Variants in H3-3A observed in about 807,000 individuals in gnomAD.
H3-3A encodes the protein histone H3.3.
For missense variants in H3-3A, 7 were observed against 184.0 expected, an observed-to-expected ratio of 0.04 and a Z score of 5.57; for synonymous variants, 49 against 61.4, an observed-to-expected ratio of 0.80 and a Z score of 0.95.
chr1:226,065,048 C>T (rs183001360), intron 2 of H3-3A, among the ~76,000 whole-genome samples: 1 of 152,286 alleles, frequency 6.6e-6, no homozygotes, highest in African/African-American at 2.4e-5. Flanking sequence ...AAAATAAAAG[C>T]TCATACAGTG....
chr1:226,071,566 G>A lies in H3-3A; in HGVS notation c.*87G>A. ...CTGTTATTGGTAGTTCTGAACGTTA[G>A]ATATTTTTTTTCCATGGGGTCAAAA... On this transcript the variant is annotated 3_prime_UTR_variant, in exon 4 of 4. Transcript: ENST00000366815. The A allele has an allele frequency of 1.7e-6, 1 of 591,846 alleles. No individual in the cohort carries two copies. Among genetic ancestry groups the A allele is most frequent in the South Asian group, 2.3e-5 (1 of 44,132 alleles). 36.7% of individuals were successfully genotyped at this position (591,846 alleles called of 1,614,324 possible).
At chr1:226,063,171 C>A (rs953166104) in intron 1 of H3-3A, among the ~76,000 whole-genome samples, 1 of 151,992 alleles carries the variant, frequency 6.6e-6, no homozygotes, top group African/African-American at 2.4e-5. Context: ...GCCCCCGGGC[C>A]CCAGCCCCCA....
intron 3 of H3-3A, 85 bp downstream of exon 3, chr1:226,065,894 A>C (rs1388894025): frequency 1.2e-5 from 12 of 990,304 alleles, no homozygotes; most frequent in Non-Finnish European, 1.9e-5. Flanking sequence ...TGCTTATATC[A>C]TTTAATCACA....
Position 226,064,485 on chromosome 1 carries a change from A to T in H3-3A, c.128+6A>T. The T allele has an allele frequency of 1.2e-6, 2 of 1,606,890 alleles. No individual in the cohort carries two copies. Among genetic ancestry groups the T allele is most frequent in the South Asian group, 1.1e-5 (1 of 90,652 alleles). ...AAGAAACCTCATCGTTACAGGTATT[A>T]AAAAACAGGAAAAAAATGGGACAAA... On this transcript the variant is annotated splice_donor_region_variant and intron_variant, in intron 2 of 3. Transcript: ENST00000366815.
chr1:226,069,234 A>G (rs1351982840), intron 3 of H3-3A, among the ~76,000 whole-genome samples: 1 of 152,068 alleles, frequency 6.6e-6, no homozygotes, highest in African/African-American at 2.4e-5. Context: ...TTTAGTAGAG[A>G]CAAGGTTTCT....
At chr1:226,069,339 G>A (rs943087604) in intron 3 of H3-3A, among the ~76,000 whole-genome samples, 6 of 151,954 alleles carry the variant, frequency 3.9e-5, no homozygotes, top group South Asian at 2.1e-4. Flanking sequence ...GAGCCACCAC[G>A]GCACCTGGTC....
rs1416078809 is a variant in H3-3A, at chr1:226,072,018, T to C, written c.*539T>C. The C allele has an allele frequency of 1.9e-5, 4 of 211,380 alleles. No individual in the cohort carries two copies. Among genetic ancestry groups the C allele is most frequent in the Non-Finnish European group, 3.8e-5 (4 of 104,094 alleles). The allele number at this position is 211,380 out of a possible 1,614,324, so 13.1% of individuals were successfully genotyped here. ...TTAAACTATACCTGCTTTTGGTCTT[T>C]ATTATAGCCTTGCCCTACAATTATA... On this transcript the variant is annotated 3_prime_UTR_variant, in exon 4 of 4. Transcript: ENST00000366815.
chr1:226,067,447 A>G (rs752010167), intron 3 of H3-3A, among the ~76,000 whole-genome samples: 1 of 152,188 alleles, frequency 6.6e-6, no homozygotes, highest in East Asian at 1.9e-4. Context: ...TCTTAAAAAT[A>G]CAGAGAGTGG....
chr1:226,071,089 A>T (rs1411790108), intron 3 of H3-3A, among the ~76,000 whole-genome samples: 1 of 152,198 alleles, frequency 6.6e-6, no homozygotes, highest in Non-Finnish European at 1.5e-5. Context: ...CATTAGAAAA[A>T]TTGAAGTTTC....
Position 226,065,957 on chromosome 1 carries a change from T to A in H3-3A, c.282+148T>A, listed in dbSNP as rs547916733. On this transcript the variant is annotated intron_variant, in intron 3 of 3. Coordinates refer to ENST00000366815, the MANE Select transcript of H3-3A (RefSeq NM_002107.7). Reference sequence around the variant, plus strand: ...TTCACTGTTGAGACTTCAGAAAGGTTAAATTGCTCAAGGTCATACACGTAG... The same window carrying A: ...TTCACTGTTGAGACTTCAGAAAGGTAAAATTGCTCAAGGTCATACACGTAG... 149 of 717,710 alleles carry A rather than the reference T, an allele frequency of 2.1e-4. 2 individuals carry two copies. In the South Asian group the frequency reaches 2.3e-3, roughly 11 times the overall value. 44.5% of individuals were successfully genotyped at this position (717,710 alleles called of 1,614,324 possible). A position where few individuals can be genotyped will look rare whatever the true frequency, so the allele number is the denominator to read the frequency against.
At chr1:226,063,315 TCC>T (rs1186265894) in intron 1 of H3-3A, among the ~76,000 whole-genome samples, 3 of 152,094 alleles carry the variant, frequency 2.0e-5, no homozygotes, top group African/African-American at 7.2e-5. Context: ...CCATATTTTT[TCC>T]CCCGTTTCTC....
upstream of H3-3A, among the ~76,000 whole-genome samples, chr1:226,062,523 G>C (rs1302841611): frequency 2.0e-5 from 3 of 150,262 alleles, no homozygotes; most frequent in South Asian, 2.1e-4. Flanking sequence ...CGGCCTGGAG[G>C]AGGGAGCGGG....
In H3-3A at chr1:226,064,272, A is replaced by T. The variant is rs567867002; in HGVS notation, c.-23-57A>T. 1,528 of 1,278,924 alleles carry T rather than the reference A, an allele frequency of 1.2e-3. 4 individuals carry two copies. Among genetic ancestry groups the T allele is most frequent in the Non-Finnish European group, 1.6e-3 (1,412 of 894,186 alleles). The allele number at this position is 1,278,924 out of a possible 1,614,324, so 79.2% of individuals were successfully genotyped here. On this transcript the variant is annotated intron_variant, in intron 1 of 3. Coordinates refer to ENST00000366815, the MANE Select transcript of H3-3A (RefSeq NM_002107.7). ...TTGGGGAGGGGGTGATCGTGGCAGG[A>T]AAAGTTGTATGTTTGGTAGTTGCAT...
At chr1:226,064,182 C>T in intron 1 of H3-3A, 147 bp from the exon 2 acceptor site, 2 of 590,986 alleles carry the variant, frequency 3.4e-6, no homozygotes, top group South Asian at 4.6e-5. Flanking sequence ...TAGACGTAAT[C>T]TTCACCCTTT....
chr1:226,064,174 G>C, intron 1 of H3-3A, 155 bp from the exon 2 acceptor site: 1 of 558,216 alleles, frequency 1.8e-6, no homozygotes, highest in Non-Finnish European at 3.2e-6. Flanking sequence ...ATTTTGGGTA[G>C]ACGTAATCTT....
At chr1:226,071,282 A>AT in intron 3 of H3-3A, 69 bp from the exon 4 acceptor site, 2 of 1,282,430 alleles carry the variant, frequency 1.6e-6, no homozygotes, top group Non-Finnish European at 2.2e-6. Flanking sequence ...TTTTGTTTTA[A>AT]TTCGTATAGT....
intron 3 of H3-3A, among the ~76,000 whole-genome samples, chr1:226,070,209 C>T (rs574056040): frequency 1.3e-5 from 2 of 151,954 alleles, no homozygotes; most frequent in Non-Finnish European, 2.9e-5. Flanking sequence ...AGGCCAGTTG[C>T]GGTGGCTCAC....
rs958644905 is a variant in H3-3A at position 226,062,773 on chromosome 1, G to T, written c.-62G>T. On this transcript the variant is annotated 5_prime_UTR_variant, in exon 1 of 4. Transcript: ENST00000366815. ...GCCGTCGCTCTCCAACGCCAGCGCC[G>T]CCTCTCGCTCGCCGAGCTCCAGCCG... is the stretch of plus-strand genomic sequence containing the variant. 19 of 170,334 alleles carry T rather than the reference G, an allele frequency of 1.1e-4. No homozygotes were observed. The highest frequency in any genetic ancestry group is 2.1e-4 in the Non-Finnish European group (16 of 74,640). 10.6% of individuals were successfully genotyped at this position (170,334 alleles called of 1,614,324 possible).
intron 3 of H3-3A, among the ~76,000 whole-genome samples, chr1:226,068,560 T>C (rs894121910): frequency 1.3e-5 from 2 of 152,352 alleles, no homozygotes; most frequent in Middle Eastern, 3.4e-3. Flanking sequence ...TGCCATTTTT[T>C]CCAGGATTTC....
Sources: allele counts gnomAD v4.1 joint callset (sites outside exome capture counted in the v4.1 genomes callset), GRCh38; gene constraint gnomAD v4.1.1; transcripts MANE v1.5; gene names NCBI Gene and HGNC (gene_info 2026-07-23, HGNC 2026-07-21).